Variants in LIPA observed in about 807,000 individuals in gnomAD.
LIPA encodes the protein lipase A, lysosomal acid type, also known as lysosomal acid lipase/cholesteryl ester hydrolase.
Under a neutral mutation model 40.6 loss-of-function variants are expected in LIPA, and 26 were observed. The observed-to-expected ratio is 0.64, with a 90% CI of 0.47 to 0.89. The LOEUF (loss-of-function observed/expected upper bound fraction) is 0.89, where lower values mean the gene tolerates loss of function less well. Among genes scored for constraint, LIPA ranks in the 40% least tolerant of loss-of-function variants. LIPA has a pLI of 0.00. For synonymous variants in LIPA, 188 were observed against 168.4 expected (o/e 1.12, Z -0.90); for missense variants, 455 against 479.6 (o/e 0.95, Z 0.48).
Position 89,229,553 on chromosome 10 carries a change from C to T in LIPA, c.230-1155G>A, listed in dbSNP as rs546148911. Among the ~76,000 whole-genome samples the T allele has an allele frequency of 4.6e-5, 7 of 152,306 alleles. No individual in the cohort carries two copies. The East Asian group carries it at 1.2e-3, about 25-fold the overall frequency. ...ATCACTTGAGGTCAGTAGTTCGAGACTAGCCTGGCCAACATGGCGAAACCC... is the reference window on the plus strand; with the variant it reads ...ATCACTTGAGGTCAGTAGTTCGAGATTAGCCTGGCCAACATGGCGAAACCC... On this transcript the variant is annotated intron_variant, in intron 3 of 9. Transcript: ENST00000336233.
intron 3 of LIPA, among the ~76,000 whole-genome samples, chr10:89,234,378 C>G (rs1433123774): frequency 1.3e-5 from 2 of 152,110 alleles, no homozygotes; most frequent in Non-Finnish European, 2.9e-5. Context: ...CATCCCAGAA[C>G]AAAAAAGTCT....
At chr10:89,355,187 T>G (rs1250200425) in intron 2 of LIPA, among the ~76,000 whole-genome samples, 1 of 152,230 alleles carries the variant, frequency 6.6e-6, no homozygotes, top group African/African-American at 2.4e-5. Flanking sequence ...TGCCCCCTAG[T>G]AGGATTCAGT....
In LIPA at chr10:89,355,272, A is replaced by G. The variant is rs76726153; in HGVS notation, c.61+57519T>C. ...GGTTGAGTTTGGGGGACAGCCTATT[A>G]CCATTTAAACTATAATCTAATGTCT... is the stretch of plus-strand genomic sequence containing the variant. On this transcript the variant is annotated intron_variant, in intron 2 of 8. Transcript: ENST00000371837. Among the ~76,000 whole-genome samples the G allele has an allele frequency of 4.3e-3, 652 of 152,314 alleles. 1 individual carries two copies. The highest frequency in any genetic ancestry group is 6.9e-3 in the Non-Finnish European group (471 of 68,012).
intron 8 of LIPA, among the ~76,000 whole-genome samples, chr10:89,217,759 T>C (rs139340762): frequency 2.4e-3 from 364 of 152,350 alleles, no homozygotes; most frequent in South Asian, 6.6e-3. Flanking sequence ...CTCTGTGTTT[T>C]ATTACATCAA....
intron 1 of LIPA, among the ~76,000 whole-genome samples, chr10:89,260,967 G>GA (rs1229139215): frequency 1.3e-5 from 2 of 152,192 alleles, no homozygotes; most frequent in Admixed American, 1.3e-4. Flanking sequence ...CACAAAAGGT[G>GA]AAAGGTAGCT....
At position 89,228,417 on chromosome 10, in the gene LIPA, T is replaced by C; in HGVS notation, c.230-19A>G. 6.2e-7 allele frequency: 1 copy of C among 1,608,986 alleles called. No individual in the cohort carries two copies. Among genetic ancestry groups the C allele is most frequent in the South Asian group, 1.1e-5 (1 of 90,980 alleles). On this transcript the variant is annotated intron_variant, in intron 3 of 9. Coordinates refer to ENST00000336233, the MANE Select transcript of LIPA (RefSeq NM_000235.4). ...TTGGGACCTGAAAAACATTCATTGT[T>C]TAGGAGGCAGTAGCACCAAGCTTCA...
intron 5 of LIPA, among the ~76,000 whole-genome samples, chr10:89,225,995 T>A (rs1842765394): frequency 6.6e-6 from 1 of 152,194 alleles, no homozygotes; most frequent in Non-Finnish European, 1.5e-5. Context: ...CCATTAAACC[T>A]CTTTTTCTTT....
chr10:89,333,249 G>A (rs534669331), intron 1 of LIPA, among the ~76,000 whole-genome samples: 17 of 152,256 alleles, frequency 1.1e-4, no homozygotes, highest in African/African-American at 3.9e-4. Context: ...TGTGTTCTGC[G>A]AGTGGCCTGA....
At chr10:89,249,523 T>C (rs185620702) in intron 1 of LIPA, among the ~76,000 whole-genome samples, 1 of 152,192 alleles carries the variant, frequency 6.6e-6, no homozygotes, top group East Asian at 1.9e-4. Context: ...AAATGGATGA[T>C]TGGATAAATT....
At chr10:89,375,968 C>T (rs1844118044) in intron 2 of LIPA, among the ~76,000 whole-genome samples, 2 of 151,968 alleles carry the variant, frequency 1.3e-5, no homozygotes, top group Non-Finnish European at 2.9e-5. Flanking sequence ...AGGTGCATCA[C>T]CTGAGGTCAG....
intron 1 of LIPA, among the ~76,000 whole-genome samples, chr10:89,261,334 A>G (rs1346560183): frequency 3.3e-5 from 5 of 152,154 alleles, no homozygotes; most frequent in African/African-American, 1.2e-4. Flanking sequence ...GCAAAACTCC[A>G]TGTCTACTAA....
chr10:89,318,385 T>C (rs1398990159), intron 1 of LIPA, among the ~76,000 whole-genome samples: 1 of 151,320 alleles, frequency 6.6e-6, no homozygotes, highest in Non-Finnish European at 1.5e-5. Context: ...ACCAAGCAAA[T>C]GGAAAATAAA....
chr10:89,222,512 T>C lies in LIPA; in HGVS notation c.893A>G (p.Gln298Arg). Residue 298 changes from glutamine (Q) to arginine (R), a missense_variant and splice_region_variant, in exon 8 of 10, where the codon CAG becomes CGG. Physicochemically the swap from Gln to Arg is conservative, Grantham distance 43. Transcript: ENST00000336233. ...CAAATGCACTCCTGGAATGCCTACC[T>C]GGCTCCAGTGTAACATGTTTTGCAC... Reference protein sequence around the residue: ...TSVQNMLHWSQAVKFQKFQAF... With the variant: ...TSVQNMLHWSRAVKFQKFQAF... The C allele has an allele frequency of 1.2e-6, 2 of 1,603,888 alleles. No individual in the cohort carries two copies. The highest frequency in any genetic ancestry group is 1.7e-6 in the Non-Finnish European group (2 of 1,170,680).
chr10:89,352,505 A>G (rs1843964489), intron 2 of LIPA, among the ~76,000 whole-genome samples: 1 of 152,158 alleles, frequency 6.6e-6, no homozygotes, highest in Non-Finnish European at 1.5e-5. Flanking sequence ...ATTCAGCAAC[A>G]ATTTTTGTCT....
At position 89,306,793 on chromosome 10, in the gene LIPA, C is replaced by T. The variant is rs577049617; in HGVS notation, c.-2+35818G>A. On this transcript the variant is annotated intron_variant, in intron 1 of 5. Coordinates refer to the LIPA transcript ENST00000282673. The stretch of plus-strand genomic sequence containing the variant: ...AAAAGGCTTTAGAATACATACCAAA[C>T]AATGCCTACCTGCATTGCCAAATTG... The T allele has an allele frequency of 3.7e-6, 6 of 1,614,082 alleles. No individual in the cohort carries two copies. The African/African-American group carries it at 5.3e-5, about 14-fold the overall frequency.
chr10:89,339,693 A>G, intron 1 of LIPA: 2 of 1,614,210 alleles, frequency 1.2e-6, no homozygotes, highest in Non-Finnish European at 1.7e-6. Context: ...GTTATCAGAC[A>G]CCATTCAATA....
At chr10:89,293,678 ATGAGAGAGAG>A (rs1288814019) in intron 1 of LIPA, 9 of 126,268 alleles carry the variant, frequency 7.1e-5, no homozygotes, top group Admixed American at 5.7e-4. Flanking sequence ...TCTGTGTGAG[ATGAGAGAGAG>A]AGAGAGAGAG....
chr10:89,385,636 CAGG>C (rs955185225), intron 2 of LIPA, among the ~76,000 whole-genome samples: 12 of 152,294 alleles, frequency 7.9e-5, no homozygotes, highest in Middle Eastern at 3.4e-3. Context: ...GAGGGAATTT[CAGG>C]AGTTCTACAG....
At chr10:89,238,155 T>C (rs184242043) in intron 3 of LIPA, among the ~76,000 whole-genome samples, 394 of 152,266 alleles carry the variant, frequency 2.6e-3, no homozygotes, top group Non-Finnish European at 3.9e-3. Context: ...AAGAAAAAGA[T>C]TGTGGATATG....
Sources: gnomAD v4.1 joint callset for allele counts (sites outside exome capture counted in the v4.1 genomes callset) on GRCh38, gnomAD v4.1.1 for gene constraint, MANE v1.5 for transcripts, NCBI Gene and HGNC (gene_info 2026-07-23, HGNC 2026-07-21) for gene names.